The following RANBP2 variants were observed in gnomAD, a reference collection of about 807,000 sequenced individuals.
RANBP2 encodes E3 SUMO-protein ligase RanBP2.
A neutral mutation model predicts 303.6 loss-of-function variants in RANBP2; 57 were observed. That is an observed-to-expected ratio of 0.19 (90% confidence interval 0.15 to 0.23). The LOEUF (loss-of-function observed/expected upper bound fraction) is 0.23, where lower values mean the gene tolerates loss of function less well. RANBP2 is among the 10% of genes least tolerant of loss of function. The pLI is 1.00. For missense variants in RANBP2, 3,138 were observed against 3,780.8 expected (o/e 0.83, Z 4.46); for synonymous variants, 1,167 against 1,301.5 (o/e 0.90, Z 2.23).
chr2:109,405,582 G>A, the RANBP2 span, among the ~76,000 whole-genome samples: 1 of 152,116 alleles, frequency 6.6e-6, no homozygotes, highest in Non-Finnish European at 1.5e-5. Context: ...CCCTTTTGCT[G>A]CCCCTCAGCA....
chr2:109,614,662 A>G, the RANBP2 span: 1 of 1,479,990 alleles, frequency 6.8e-7, no homozygotes, highest in Non-Finnish European at 8.9e-7. Context: ...CACTTCAAGG[A>G]GCTGGTGAAC....
At chr2:109,658,318 G>T in the RANBP2 span, among the ~76,000 whole-genome samples, 2 of 143,144 alleles carry the variant, frequency 1.4e-5, no homozygotes, top group African/African-American at 4.9e-5. Context: ...ATGGTGGCAG[G>T]CACCTGTAAT....
chr2:109,049,138 G>A, the RANBP2 span, among the ~76,000 whole-genome samples: 1 of 152,216 alleles, frequency 6.6e-6, no homozygotes, highest in South Asian at 2.1e-4. Flanking sequence ...ATGGTGAGGA[G>A]GAGGCTGTAT....
At chr2:109,324,972 A>G in the RANBP2 span, among the ~76,000 whole-genome samples, 2 of 152,138 alleles carry the variant, frequency 1.3e-5, no homozygotes, top group Non-Finnish European at 2.9e-5. Context: ...ACAATCACAC[A>G]GTTTTGGCAA....
the RANBP2 span, among the ~76,000 whole-genome samples, chr2:109,454,464 G>A: frequency 2.8e-3 from 426 of 152,240 alleles, 2 homozygotes; most frequent in African/African-American, 3.1e-3. Context: ...TTGCCTCCTC[G>A]GGGTTCTGAG....
At chr2:109,077,081 C>G in the RANBP2 span, among the ~76,000 whole-genome samples, 3 of 150,260 alleles carry the variant, frequency 2.0e-5, no homozygotes, top group East Asian at 1.9e-4. Context: ...CCAAAATAAG[C>G]TCACGAAAAT....
chr2:109,698,449 G>C, the RANBP2 span, among the ~76,000 whole-genome samples: 8 of 149,310 alleles, frequency 5.4e-5, no homozygotes, highest in Non-Finnish European at 1.2e-4. Flanking sequence ...CTGGACGACA[G>C]AGTGAGACCC....
chr2:108,999,238 T>C, the RANBP2 span, among the ~76,000 whole-genome samples: 3 of 152,206 alleles, frequency 2.0e-5, no homozygotes, highest in Non-Finnish European at 1.5e-5. Flanking sequence ...ACCTACTTCA[T>C]AGGATTGATG....
chr2:109,510,323 C>T, the RANBP2 span, among the ~76,000 whole-genome samples: 4 of 152,104 alleles, frequency 2.6e-5, no homozygotes, highest in South Asian at 2.1e-4. Flanking sequence ...GTTGGTGGCA[C>T]AGGGAATGGC....
chr2:109,669,151 T>C, the RANBP2 span, among the ~76,000 whole-genome samples: 3 of 152,146 alleles, frequency 2.0e-5, no homozygotes, highest in South Asian at 6.3e-4. Flanking sequence ...TAGACTCCTA[T>C]CTCTCCTCAT....
the RANBP2 span, chr2:109,490,959 T>G: frequency 6.9e-7 from 1 of 1,439,316 alleles, no homozygotes; most frequent in Non-Finnish European, 9.1e-7. Flanking sequence ...GCTTGTCTGC[T>G]CTGTGGCATG....
At chr2:109,605,027 T>A in the RANBP2 span, 1 of 152,134 alleles carries the variant, frequency 6.6e-6, no homozygotes, top group South Asian at 2.1e-4. Flanking sequence ...GCACCTTGGA[T>A]CCCTCAAAGA....
At chr2:108,895,962 C>T in the RANBP2 span, 1 of 152,234 alleles carries the variant, frequency 6.6e-6, no homozygotes, top group Non-Finnish European at 1.5e-5. Context: ...ACTACTCATA[C>T]ATGTTTGAAG....
the RANBP2 span, among the ~76,000 whole-genome samples, chr2:109,510,208 A>C: frequency 2.0e-5 from 3 of 152,162 alleles, no homozygotes; most frequent in African/African-American, 7.2e-5. Flanking sequence ...TGAGGTGAGA[A>C]TGGCCAGGGG....
At chr2:109,175,223 C>T in the RANBP2 span, among the ~76,000 whole-genome samples, 1 of 152,138 alleles carries the variant, frequency 6.6e-6, no homozygotes, top group Non-Finnish European at 1.5e-5. Context: ...GTGCCATGGC[C>T]TGTGGTGCTT....
the RANBP2 span, among the ~76,000 whole-genome samples, chr2:109,015,118 C>CAAAAAAAAAAAAAAAA: frequency 1.5e-5 from 1 of 68,812 alleles, no homozygotes; most frequent in Non-Finnish European, 2.5e-5. Context: ...GACTCCATCT[C>CAAAAAAAAAAAAAAAA]AAAAAAAAAA....
the RANBP2 span, among the ~76,000 whole-genome samples, chr2:109,320,080 T>C: frequency 6.6e-6 from 1 of 152,208 alleles, no homozygotes; most frequent in African/African-American, 2.4e-5. Flanking sequence ...TGGCCTCTTA[T>C]GGTCCCTTCC....
the RANBP2 span, among the ~76,000 whole-genome samples, chr2:109,513,112 C>T: frequency 6.6e-6 from 1 of 152,164 alleles, no homozygotes; most frequent in South Asian, 2.1e-4. Context: ...CATGCCATGC[C>T]ACCCCAGCTC....
At chr2:108,968,106 T>C in the RANBP2 span, among the ~76,000 whole-genome samples, 1 of 152,134 alleles carries the variant, frequency 6.6e-6, no homozygotes, top group African/African-American at 2.4e-5. Flanking sequence ...ACAGGGATAA[T>C]ATCACCTGAT....
Sources: allele counts gnomAD v4.1 joint callset (sites outside exome capture counted in the v4.1 genomes callset), GRCh38; gene constraint gnomAD v4.1.1; transcripts MANE v1.5; gene names NCBI Gene and HGNC (gene_info 2026-07-23, HGNC 2026-07-21).